The following MAOB variants were observed in gnomAD, a reference collection of about 807,000 sequenced individuals.
MAOB encodes the protein amine oxidase [flavin-containing] B.
MAOB carries 15 observed loss-of-function variants against 41.9 expected under a neutral mutation model. The observed-to-expected ratio is 0.36, with a 90% CI of 0.24 to 0.55. The LOEUF (loss-of-function observed/expected upper bound fraction) is 0.55. MAOB is among the 20% of genes least tolerant of loss of function. The probability of loss-of-function intolerance (pLI) is 0.86; values close to 1 mark genes in which losing one functional copy is unlikely to be tolerated. For missense variants in MAOB, 345 were observed against 398.7 expected (o/e 0.87, Z 1.15); for synonymous variants, 167 against 144.2 (o/e 1.16, Z -1.13).
rs749869063 is a variant in MAOB, at chrX:43,839,018, A to G, written c.142-13T>C. The G allele has an allele frequency of 3.9e-5, 44 of 1,132,898 alleles. No individual in the cohort carries two copies. Among genetic ancestry groups the G allele is most frequent in the Non-Finnish European group, 5.2e-5 (44 of 852,139 alleles). The allele number at this position is 1,132,898 out of a possible 1,213,427, so 93.4% of individuals were successfully genotyped here. On this transcript the variant is annotated splice_polypyrimidine_tract_variant and intron_variant, in intron 2 of 14. Transcript: ENST00000378069. ...TAACCTTTTGGTTCTGTTTTCCCATAGGAAAAAATTAAAAAAAATTTGTAA... is the reference window on the plus strand; with the variant it reads ...TAACCTTTTGGTTCTGTTTTCCCATGGGAAAAAATTAAAAAAAATTTGTAA...
intron 1 of MAOB, among the ~76,000 whole-genome samples, chrX:43,878,514 C>G (rs1478117340): frequency 9.1e-6 from 1 of 110,388 alleles, no homozygotes; most frequent in African/African-American, 3.3e-5. Context: ...CCTCCCGTCT[C>G]AACCTTCCAA....
chrX:43,857,159 AGAGAGAAGAAG>A (rs2035302472), intron 1 of MAOB, among the ~76,000 whole-genome samples: 5 of 58,559 alleles, frequency 8.5e-5, no homozygotes, highest in Non-Finnish European at 1.2e-4. Flanking sequence ...AGAGAGAGAG[AGAGAGAAGAAG>A]AGAGAGAGAG....
chrX:43,882,311 C>T lies in MAOB; in HGVS notation c.-12G>A, dbSNP rs774700295. On this transcript the variant is annotated 5_prime_UTR_variant, in exon 1 of 15. Transcript: ENST00000378069. Reference sequence around the variant, plus strand: ...CATTTGTTGCTCATGGCGCTCGCCCCGTTCCAGGCCTCCCTGGTGCCCGCT... The same window carrying T: ...CATTTGTTGCTCATGGCGCTCGCCCTGTTCCAGGCCTCCCTGGTGCCCGCT... 6.6e-6 allele frequency: 8 copies of T among 1,203,403 alleles called. No individual in the cohort carries two copies. Among genetic ancestry groups the T allele is most frequent in the Non-Finnish European group, 9.0e-6 (8 of 892,262 alleles).
intron 14 of MAOB, among the ~76,000 whole-genome samples, chrX:43,768,310 C>T (rs1355274531): frequency 9.0e-6 from 1 of 111,363 alleles, no homozygotes; most frequent in African/African-American, 3.3e-5. Context: ...ACACACTTTC[C>T]TTTCTTTTCC....
chrX:43,812,904 G>T (rs2034766494), intron 3 of MAOB, among the ~76,000 whole-genome samples: 1 of 111,888 alleles, frequency 8.9e-6, no homozygotes, highest in Admixed American at 9.5e-5. Flanking sequence ...TAGTGGCTGA[G>T]AAACCAGGTG....
intron 1 of MAOB, among the ~76,000 whole-genome samples, chrX:43,854,552 T>C (rs891070980): frequency 2.7e-5 from 3 of 111,238 alleles, no homozygotes; most frequent in African/African-American, 9.8e-5. Context: ...AGGACAAATA[T>C]CTAACGCATG....
intron 3 of MAOB, among the ~76,000 whole-genome samples, chrX:43,814,058 A>T (rs1238289562): frequency 9.1e-6 from 1 of 110,060 alleles, no homozygotes; most frequent in African/African-American, 3.3e-5. Context: ...GGGGGAAATC[A>T]TGTGAATATC....
intron 2 of MAOB, among the ~76,000 whole-genome samples, chrX:43,842,944 A>C (rs2035156351): frequency 9.0e-6 from 1 of 111,465 alleles, no homozygotes; most frequent in Non-Finnish European, 1.9e-5. Flanking sequence ...TTAGCTAGAC[A>C]GGAAGGGTAC....
chrX:43,791,741 A>G (rs2147131718), intron 8 of MAOB, among the ~76,000 whole-genome samples: 1 of 109,974 alleles, frequency 9.1e-6, no homozygotes, highest in Admixed American at 9.6e-5. Context: ...TGGGCGACAG[A>G]GCGAGACTCC....
chrX:43,778,037 C>T (rs200988958), intron 11 of MAOB, among the ~76,000 whole-genome samples: 2 of 110,822 alleles, frequency 1.8e-5, no homozygotes, highest in East Asian at 5.7e-4. Context: ...CCTTAGAGTT[C>T]TACTTGATTC....
intron 3 of MAOB, among the ~76,000 whole-genome samples, chrX:43,806,912 T>A (rs1220479110): frequency 9.0e-6 from 1 of 111,320 alleles, no homozygotes; most frequent in East Asian, 2.8e-4. Flanking sequence ...CATGTCCCCA[T>A]CCTTTTGTCT....
At chrX:43,775,078 T>G (rs2034237343) in intron 12 of MAOB, 97 bp downstream of exon 12, 10 of 923,133 alleles carry the variant, frequency 1.1e-5, no homozygotes, top group Non-Finnish European at 1.3e-5. Context: ...TTTTTTGTAT[T>G]TATAAGAAAC....
At position 43,775,273 on chromosome X, in the gene MAOB, C is replaced by T; in HGVS notation, c.1138-1G>A. 8.3e-7 allele frequency: 1 copy of T among 1,202,171 alleles called. No individual in the cohort carries two copies. The highest frequency in any genetic ancestry group is 1.1e-6 in the Non-Finnish European group (1 of 891,503). ...AGTTCTTTTCTTCATAATGCACTGG[C>T]TGCAAGATAGAGCAACAAAAACTTG... On this transcript the variant is annotated splice_acceptor_variant, in intron 11 of 14. Coordinates refer to ENST00000378069, the MANE Select transcript of MAOB (RefSeq NM_000898.5). LOFTEE classifies it high-confidence loss of function.
chrX:43,795,808 C>T lies in MAOB; in HGVS notation c.699G>A (p.Arg233=). 8.3e-7 allele frequency: 1 copy of T among 1,210,866 alleles called. No individual in the cohort carries two copies. Among genetic ancestry groups the T allele is most frequent in the East Asian group, 3.0e-5 (1 of 33,848 alleles). The part of the protein sequence containing the change: ...DLLGDRVKLE[R]PVIYIDQTRE... ...TTGTCTGGTCAATGTAGATCACAGG[C>T]CTCTCCAGCTTCACTCGGTCTCCAA... is the stretch of plus-strand genomic sequence containing the variant. Residue 233 remains arginine, a synonymous_variant, in exon 7 of 15, where the codon AGG becomes AGA. Transcript: ENST00000378069.
intron 3 of MAOB, among the ~76,000 whole-genome samples, chrX:43,825,967 G>C (rs906482019): frequency 8.9e-6 from 1 of 111,979 alleles, no homozygotes; most frequent in Middle Eastern, 4.2e-3. Flanking sequence ...CATATTTCTT[G>C]ATTGTGCCTG....
rs2035479156 is a variant in MAOB at position 43,882,371 on chromosome X, T to TGCCA, written c.-76_-73dup. ...TCTGGGCCTCGATCCCAGTCCTGCCTGCCAGCCAGCCCGCCCGCCTGCCCG... is the reference window on the plus strand; with the variant it reads ...TCTGGGCCTCGATCCCAGTCCTGCCTGCCAGCCAGCCAGCCCGCCCGCCTGCCCG... On this transcript the variant is annotated 5_prime_UTR_variant, in exon 1 of 15. Coordinates refer to ENST00000378069, the MANE Select transcript of MAOB (RefSeq NM_000898.5). 15 of 1,138,895 alleles carry TGCCA rather than the reference T, an allele frequency of 1.3e-5. No individual in the cohort carries two copies. In the South Asian group the frequency reaches 3.1e-4, roughly 23 times the overall value. 93.9% of individuals were successfully genotyped at this position (1,138,895 alleles called of 1,213,427 possible).
At chrX:43,786,950 T>C (rs1182955841) in intron 8 of MAOB, among the ~76,000 whole-genome samples, 1 of 111,725 alleles carries the variant, frequency 9.0e-6, no homozygotes, top group African/African-American at 3.3e-5. Flanking sequence ...GCCCCACCCA[T>C]GCACACAAAA....
chrX:43,842,712 T>G (rs1328853088), intron 2 of MAOB, among the ~76,000 whole-genome samples: 2 of 112,096 alleles, frequency 1.8e-5, no homozygotes, highest in Non-Finnish European at 3.8e-5. Context: ...GAAGACTTGG[T>G]ATATACACAC....
chrX:43,838,110 C>G (rs997382938), intron 3 of MAOB: 3 of 249,278 alleles, frequency 1.2e-5, no homozygotes, highest in Non-Finnish European at 2.3e-5. Flanking sequence ...AATTTAAGAG[C>G]CTTCCCCCGC....
Sources: allele counts gnomAD v4.1 joint callset (sites outside exome capture counted in the v4.1 genomes callset), GRCh38; gene constraint gnomAD v4.1.1; transcripts MANE v1.5; gene names NCBI Gene and HGNC (gene_info 2026-07-23, HGNC 2026-07-21).